CLIP2: variants seen among roughly 807,000 people sequenced by gnomAD.
CLIP2 encodes the protein CAP-Gly domain containing linker protein 2.
Under a neutral mutation model 111.7 loss-of-function variants are expected in CLIP2, and 41 were observed. That is an observed-to-expected ratio of 0.37 (90% CI 0.29 to 0.48). The LOEUF (loss-of-function observed/expected upper bound fraction) is 0.48. Among genes scored for constraint, CLIP2 ranks in the 20% least tolerant of loss-of-function variants. The pLI, the probability that CLIP2 is intolerant of heterozygous loss-of-function variation, is 0.99. For synonymous variants in CLIP2, 660 were observed against 644.2 expected, an observed-to-expected ratio of 1.02 and a Z score of -0.37; for missense variants, 1,160 against 1,422.1, an observed-to-expected ratio of 0.82 and a Z score of 2.96.
chr7:74,319,196 G>A (rs531734290), intron 2 of CLIP2, among the ~76,000 whole-genome samples: 58 of 152,222 alleles, frequency 3.8e-4, no homozygotes, highest in Non-Finnish European at 7.1e-4. Flanking sequence ...AAGGCCCTGA[G>A]GCTGGAATGA....
chr7:74,399,553 G>A (rs113778748), intron 14 of CLIP2, among the ~76,000 whole-genome samples: 37 of 117,472 alleles, frequency 3.1e-4, no homozygotes, highest in African/African-American at 1.1e-3. Context: ...GGGGGGGGGG[G>A]GGTGGGGACC....
intron 1 of CLIP2, among the ~76,000 whole-genome samples, chr7:74,311,185 T>G (rs527762887): frequency 1.3e-5 from 2 of 152,230 alleles, no homozygotes; most frequent in South Asian, 2.1e-4. Flanking sequence ...TTCACTGTGT[T>G]AGCCAGAATG....
intron 3 of CLIP2, among the ~76,000 whole-genome samples, chr7:74,339,545 A>G (rs1470819980): frequency 6.6e-6 from 1 of 151,962 alleles, no homozygotes; most frequent in Non-Finnish European, 1.5e-5. Context: ...ACCTCAGGTG[A>G]TCCACCCGCC....
chr7:74,298,672 A>G (rs1788240822), intron 1 of CLIP2, among the ~76,000 whole-genome samples: 1 of 151,998 alleles, frequency 6.6e-6, no homozygotes, highest in Non-Finnish European at 1.5e-5. Flanking sequence ...AGCTGGGACT[A>G]CAGGCACGTG....
chr7:74,381,627 G>A (rs1767056053), intron 11 of CLIP2: 1 of 456,286 alleles, frequency 2.2e-6, no homozygotes, highest in Non-Finnish European at 4.4e-6. Context: ...AATATTTTGT[G>A]CAGGTACGAG....
chr7:74,296,511 C>T (rs1445058406), intron 1 of CLIP2, among the ~76,000 whole-genome samples: 1 of 146,454 alleles, frequency 6.8e-6, no homozygotes. Flanking sequence ...CTAAGAGGGC[C>T]GAGCACGGTG....
chr7:74,372,902 C>T (rs537350900), intron 8 of CLIP2, 30 bp from the exon 9 acceptor site: 3 of 1,030,778 alleles, frequency 2.9e-6, no homozygotes, highest in African/African-American at 1.6e-5. Flanking sequence ...CGCCCCCACC[C>T]CCCCACCGTG....
chr7:74,364,393 C>G (rs1205494861), intron 8 of CLIP2, 78 bp downstream of exon 8: 21 of 1,284,460 alleles, frequency 1.6e-5, no homozygotes, highest in Non-Finnish European at 2.0e-5. Flanking sequence ...GTTGTGAGGT[C>G]CAGCAGCACC....
At chr7:74,326,842 T>G (rs1462911120) in intron 2 of CLIP2, among the ~76,000 whole-genome samples, 1 of 151,814 alleles carries the variant, frequency 6.6e-6, no homozygotes, top group African/African-American at 2.4e-5. Flanking sequence ...TTCACCATAT[T>G]GGCCAGGCTG....
intron 8 of CLIP2, chr7:74,365,002 T>C (rs1554310552): frequency 1.0e-5 from 1 of 98,594 alleles, no homozygotes; most frequent in African/African-American, 5.1e-5. Context: ...GTTGTGTGTG[T>C]GTGTGTGTGT....
At chr7:74,359,120 C>T (rs782155340) in intron 6 of CLIP2, among the ~76,000 whole-genome samples, 10 of 151,416 alleles carry the variant, frequency 6.6e-5, no homozygotes, top group Non-Finnish European at 1.2e-4. Flanking sequence ...TGTGCCACCA[C>T]GCCCAGCTAA....
intron 3 of CLIP2, among the ~76,000 whole-genome samples, chr7:74,342,870 C>T (rs1449855236): frequency 6.6e-6 from 1 of 151,998 alleles, no homozygotes; most frequent in Admixed American, 6.6e-5. Flanking sequence ...CCCGTCTCTA[C>T]TAAAAATACA....
intron 13 of CLIP2, among the ~76,000 whole-genome samples, chr7:74,396,093 GTGCATGTGCTCC>G (rs1791439291): frequency 6.6e-6 from 1 of 152,190 alleles, no homozygotes; most frequent in African/African-American, 2.4e-5. Context: ...GGGCATAGGG[GTGCATGTGCTCC>G]TGCCTATGCC....
intron 1 of CLIP2, among the ~76,000 whole-genome samples, chr7:74,302,207 T>C (rs797034916): frequency 6.6e-6 from 1 of 152,020 alleles, no homozygotes; most frequent in South Asian, 2.1e-4. Flanking sequence ...CTTTATTTTT[T>C]ATTTTTTTTA....
chr7:74,324,821 A>G (rs1554730486), intron 2 of CLIP2, among the ~76,000 whole-genome samples: 4 of 148,050 alleles, frequency 2.7e-5, no homozygotes, highest in African/African-American at 5.0e-5. Flanking sequence ...ATCTTGAGAA[A>G]AAAAAAAAAA....
At chr7:74,323,734 G>A (rs1789032139) in intron 2 of CLIP2, among the ~76,000 whole-genome samples, 1 of 152,024 alleles carries the variant, frequency 6.6e-6, no homozygotes, top group African/African-American at 2.4e-5. Flanking sequence ...CCCTGGCCTA[G>A]ATGTCTTATG....
intron 10 of CLIP2, among the ~76,000 whole-genome samples, chr7:74,378,743 A>G (rs1482985862): frequency 6.6e-6 from 1 of 152,180 alleles, no homozygotes; most frequent in Non-Finnish European, 1.5e-5. Context: ...GTGACTCAAG[A>G]AAATACACAA....
intron 1 of CLIP2, among the ~76,000 whole-genome samples, chr7:74,315,287 T>A (rs1424867799): frequency 1.1e-4 from 16 of 151,068 alleles, no homozygotes; most frequent in Admixed American, 2.6e-4. Flanking sequence ...AAAATACATT[T>A]AAAAAAATAA....
At chr7:74,383,914 G>A (rs190400299) in intron 11 of CLIP2, among the ~76,000 whole-genome samples, 1 of 152,078 alleles carries the variant, frequency 6.6e-6, no homozygotes, top group Admixed American at 6.6e-5. Flanking sequence ...TCTCCCCCCA[G>A]CCCATCACAA....
Sources: gnomAD v4.1 joint callset for allele counts (sites outside exome capture counted in the v4.1 genomes callset) on GRCh38, gnomAD v4.1.1 for gene constraint, MANE v1.5 for transcripts, NCBI Gene and HGNC (gene_info 2026-07-23, HGNC 2026-07-21) for gene names.